Variants in LAMA3 observed in about 807,000 individuals in gnomAD.
The protein encoded by LAMA3 is laminin subunit alpha-3.
In LAMA3, 281 loss-of-function variants were observed where a neutral mutation model predicts 402.0. The observed-to-expected ratio is 0.70, with a 90% CI of 0.63 to 0.77. The LOEUF (loss-of-function observed/expected upper bound fraction) is 0.77, where lower values mean the gene tolerates loss of function less well. Ranked by LOEUF, LAMA3 falls within the 30% of genes least tolerant of loss-of-function variation. The pLI, the probability that LAMA3 is intolerant of heterozygous loss-of-function variation, is 0.00. For missense variants in LAMA3, 3,840 were observed against 4,215.5 expected (o/e 0.91, Z 2.47); for synonymous variants, 1,431 against 1,558.4 (o/e 0.92, Z 1.93).
At chr18:23,710,641 A>G (rs534007276) in intron 1 of LAMA3, among the ~76,000 whole-genome samples, 2 of 152,172 alleles carry the variant, frequency 1.3e-5, no homozygotes, top group South Asian at 2.1e-4. Flanking sequence ...GATTCTTCAT[A>G]TAGGTTGATT....
chr18:23,711,311 A>G (rs2060985072), intron 1 of LAMA3, among the ~76,000 whole-genome samples: 1 of 152,220 alleles, frequency 6.6e-6, no homozygotes, highest in African/African-American at 2.4e-5. Flanking sequence ...CTTGAAATAT[A>G]TATTTGATAT....
chr18:23,840,377 CTTTCTT>C (rs1285425986), intron 27 of LAMA3, among the ~76,000 whole-genome samples: 1 of 79,514 alleles, frequency 1.3e-5, no homozygotes, highest in Non-Finnish European at 2.3e-5. Context: ...AAGAACCTTT[CTTTCTT>C]TTTTTTTTTT....
chr18:23,717,719 A>ATTTTTTTTTTTTTTTTTTTTTTTTTTTTT lies in LAMA3; in HGVS notation c.447+3647_447+3648insTTTTTTTTTTTTTTTTTTTTTTTTTTTTT, dbSNP rs1568109215. Among the ~76,000 whole-genome samples, 2 of 116,806 alleles carry ATTTTTTTTTTTTTTTTTTTTTTTTTTTTT rather than the reference A, an allele frequency of 1.7e-5. 1 individual carries two copies. Among genetic ancestry groups the ATTTTTTTTTTTTTTTTTTTTTTTTTTTTT allele is most frequent in the African/African-American group, 7.8e-5 (2 of 25,646 alleles). The allele number at this position is 116,806 out of a possible 152,430, so 76.6% of individuals were successfully genotyped here. A position where few individuals can be genotyped will look rare whatever the true frequency, so the allele number is the denominator to read the frequency against. On this transcript the variant is annotated intron_variant, in intron 2 of 74. Transcript: ENST00000313654. Reference sequence around the variant, plus strand: ...AGGTGCCCACCACCATGCCTGGCTAAATTTTTTTTTTTTTTTTTTTTTTTT... The same window carrying ATTTTTTTTTTTTTTTTTTTTTTTTTTTTT: ...AGGTGCCCACCACCATGCCTGGCTAATTTTTTTTTTTTTTTTTTTTTTTTTTTTTATTTTTTTTTTTTTTTTTTTTTTTT...
chr18:23,902,199 G>A (rs1003991574), intron 48 of LAMA3, among the ~76,000 whole-genome samples: 1 of 152,100 alleles, frequency 6.6e-6, no homozygotes, highest in Non-Finnish European at 1.5e-5. Context: ...AGTGGCATGA[G>A]CCTGTAGTCT....
At chr18:23,816,963 A>C (rs2063188035) in intron 18 of LAMA3, among the ~76,000 whole-genome samples, 1 of 152,166 alleles carries the variant, frequency 6.6e-6, no homozygotes, top group South Asian at 2.1e-4. Context: ...AGAAGGCATA[A>C]GAGGGAGTGC....
At chr18:23,932,118 T>G (rs766701731) in intron 65 of LAMA3, 42 bp from the exon 66 acceptor site, 3 of 1,612,442 alleles carry the variant, frequency 1.9e-6, no homozygotes, top group Non-Finnish European at 8.5e-7. Context: ...GGCCCTTTTT[T>G]CCAGCAGTTC....
intron 12 of LAMA3, among the ~76,000 whole-genome samples, chr18:23,807,472 GTGTGTATGTGTGTGTGTC>G (rs1042024273): frequency 2.8e-4 from 41 of 148,820 alleles, no homozygotes; most frequent in African/African-American, 1.0e-3. Flanking sequence ...GTGTGTGTGT[GTGTGTATGTGTGTGTGTC>G]TGTGTGTGTA....
intron 37 of LAMA3, among the ~76,000 whole-genome samples, chr18:23,870,723 A>G (rs1394573210): frequency 2.0e-5 from 3 of 152,234 alleles, no homozygotes; most frequent in African/African-American, 7.2e-5. Context: ...GCTAAGTGAA[A>G]CAAGCCAGTC....
At chr18:23,871,947 A>G (rs1318179411) in intron 38 of LAMA3, among the ~76,000 whole-genome samples, 3 of 152,236 alleles carry the variant, frequency 2.0e-5, no homozygotes, top group South Asian at 4.1e-4. Context: ...TCAAATAGCT[A>G]GAAGGAGGAT....
intron 32 of LAMA3, among the ~76,000 whole-genome samples, chr18:23,854,674 G>A (rs973740640): frequency 6.8e-4 from 101 of 149,270 alleles, no homozygotes; most frequent in Admixed American, 3.6e-3. Context: ...AATAAAAAAA[G>A]AAAAGAAAAC....
intron 74 of LAMA3, among the ~76,000 whole-genome samples, chr18:23,953,788 G>A (rs956686941): frequency 1.3e-5 from 2 of 152,170 alleles, no homozygotes; most frequent in Admixed American, 1.3e-4. Context: ...AAGCTTTTGG[G>A]GACCGGACTG....
chr18:23,753,553 AT>A, intron 5 of LAMA3, among the ~76,000 whole-genome samples, 167 bp from the exon 6 acceptor site: 1 of 152,292 alleles, frequency 6.6e-6, no homozygotes, highest in African/African-American at 2.4e-5. Context: ...ATTACATTTT[AT>A]TGAGGAATGT....
At chr18:23,698,108 G>A (rs544139379) in intron 1 of LAMA3, among the ~76,000 whole-genome samples, 1 of 110,792 alleles carries the variant, frequency 9.0e-6, no homozygotes, top group South Asian at 3.3e-4. Flanking sequence ...GGTCATGGGG[G>A]TTAGGACTTC....
intron 73 of LAMA3, 97 bp downstream of exon 73, chr18:23,951,874 C>T (rs1157430843): frequency 1.1e-6 from 1 of 916,626 alleles, no homozygotes; most frequent in Non-Finnish European, 1.8e-6. Context: ...CCTCCATCCA[C>T]AGTGCCTGAC....
chr18:23,946,667 A>G (rs2082724467), intron 70 of LAMA3: 2 of 206,350 alleles, frequency 9.7e-6, no homozygotes, highest in South Asian at 1.7e-4. Flanking sequence ...TCTTTGCCAT[A>G]AGGTAAAACA....
intron 66 of LAMA3, 60 bp from the exon 67 acceptor site, chr18:23,933,722 G>T: frequency 6.3e-7 from 1 of 1,582,372 alleles, no homozygotes. Flanking sequence ...CTCTCTACCA[G>T]AGGGTCTTCC....
intron 2 of LAMA3, among the ~76,000 whole-genome samples, chr18:23,715,050 G>T (rs1050998263): frequency 6.6e-6 from 1 of 152,178 alleles, no homozygotes; most frequent in African/African-American, 2.4e-5. Context: ...GGAATGTCCT[G>T]ATAGGCAAAT....
At chr18:23,847,059 C>A (rs955328211) in intron 31 of LAMA3, among the ~76,000 whole-genome samples, 2 of 152,318 alleles carry the variant, frequency 1.3e-5, no homozygotes, top group Admixed American at 1.3e-4. Context: ...GGCCAAGGAA[C>A]AAGAACCCTG....
intron 11 of LAMA3, among the ~76,000 whole-genome samples, chr18:23,781,866 T>C (rs1205964456): frequency 1.3e-5 from 2 of 152,246 alleles, no homozygotes; most frequent in East Asian, 3.8e-4. Context: ...ACAGTCAGTA[T>C]GCTAAAATGG....
Sources: gnomAD v4.1 joint callset for allele counts (sites outside exome capture counted in the v4.1 genomes callset) on GRCh38, gnomAD v4.1.1 for gene constraint, MANE v1.5 for transcripts, NCBI Gene and HGNC (gene_info 2026-07-23, HGNC 2026-07-21) for gene names.